The following MAP2K5 variants were observed in gnomAD, a reference collection of about 807,000 sequenced individuals.
MAP2K5 encodes the protein dual specificity mitogen-activated protein kinase kinase 5.
MAP2K5 carries 49 observed loss-of-function variants against 83.1 expected under a neutral mutation model. The ratio of observed to expected loss-of-function variants is 0.59; its 90% CI spans 0.47 to 0.75. MAP2K5 has a LOEUF of 0.75. MAP2K5 is among the 30% of genes least tolerant of loss of function. The pLI is 0.00. For synonymous variants in MAP2K5, 202 were observed against 191.8 expected, an observed-to-expected ratio of 1.05 and a Z score of -0.44; for missense variants, 457 against 557.5, an observed-to-expected ratio of 0.82 and a Z score of 1.82.
At chr15:67,733,691 C>T (rs1258307781) in intron 17 of MAP2K5, among the ~76,000 whole-genome samples, 1 of 152,168 alleles carries the variant, frequency 6.6e-6, no homozygotes, top group Non-Finnish European at 1.5e-5. Flanking sequence ...ACAGGGCTGT[C>T]AGGCCTGTTA....
chr15:67,667,833 C>T (rs1173639549), intron 13 of MAP2K5, among the ~76,000 whole-genome samples: 1 of 152,122 alleles, frequency 6.6e-6, no homozygotes. Context: ...TAGTATATTA[C>T]AGAATTTATT....
At chr15:67,733,769 A>G (rs1454009704) in intron 17 of MAP2K5, among the ~76,000 whole-genome samples, 1 of 152,238 alleles carries the variant, frequency 6.6e-6, no homozygotes, top group Non-Finnish European at 1.5e-5. Context: ...CAAGTTAAAC[A>G]TAGGTAGATA....
At position 67,783,141 on chromosome 15, in the gene MAP2K5, C is replaced by G. The variant is rs1443265231; in HGVS notation, c.1242+10389C>G. ...CAGTCTGCACTCGCCATTTTTATGT[C>G]TTAGCATCTGCTCTGTGCCCAGCAT... is the stretch of plus-strand genomic sequence containing the variant. On this transcript the variant is annotated intron_variant, in intron 21 of 21. Coordinates refer to ENST00000178640, the MANE Select transcript of MAP2K5 (RefSeq NM_145160.3). This position sits in a 1 kb window ranked among gnomAD's most constrained non-coding sequence, Gnocchi z 5.1. Among the ~76,000 whole-genome samples, 1 of 152,226 alleles carries G rather than the reference C, an allele frequency of 6.6e-6. No homozygotes were observed. The highest frequency in any genetic ancestry group is 1.9e-4 in the East Asian group (1 of 5,198).
At chr15:67,797,709 G>A (rs2090628461) in intron 21 of MAP2K5, among the ~76,000 whole-genome samples, 1 of 151,976 alleles carries the variant, frequency 6.6e-6, no homozygotes, top group Non-Finnish European at 1.5e-5. Flanking sequence ...TTGAGACAGA[G>A]TCTCACCCTG....
intron 8 of MAP2K5, among the ~76,000 whole-genome samples, chr15:67,618,186 GC>G (rs1316500875): frequency 1.3e-5 from 2 of 152,150 alleles, no homozygotes; most frequent in East Asian, 3.8e-4. Context: ...CCTAAGTATT[GC>G]TTTTGAAATC....
intron 11 of MAP2K5, among the ~76,000 whole-genome samples, chr15:67,654,539 G>A (rs1299211923): frequency 6.6e-6 from 1 of 151,986 alleles, no homozygotes; most frequent in South Asian, 2.1e-4. Context: ...TACTAACAAG[G>A]TGAGATGTAT....
chr15:67,679,237 G>A (rs2087755083), intron 13 of MAP2K5, among the ~76,000 whole-genome samples: 1 of 152,092 alleles, frequency 6.6e-6, no homozygotes, highest in South Asian at 2.1e-4. Flanking sequence ...TTATTAGCAA[G>A]CTTCTGCTTG....
chr15:67,554,096 C>T (rs955231974), intron 2 of MAP2K5, among the ~76,000 whole-genome samples: 1 of 152,054 alleles, frequency 6.6e-6, no homozygotes, highest in African/African-American at 2.4e-5. Context: ...CTGGCTCTGT[C>T]ACCCAGGCTG....
At chr15:67,707,527 A>G (rs1234254045) in intron 16 of MAP2K5, among the ~76,000 whole-genome samples, 1 of 152,240 alleles carries the variant, frequency 6.6e-6, no homozygotes, top group Non-Finnish European at 1.5e-5. Flanking sequence ...TTCTTCAATA[A>G]TTCTTACTTA....
rs191887062 is a variant in MAP2K5, at chr15:67,587,666, C to T, written c.431+753C>T. On this transcript the variant is annotated intron_variant, in intron 6 of 21. Transcript: ENST00000178640. This position sits in a 1 kb window ranked among gnomAD's most constrained non-coding sequence, Gnocchi z 4.8. Reference sequence around the variant, plus strand: ...GTCTTTCTATAGCGCCCACTCATAACGTTTTAGTTAAGCCCTCAGAACGTG... The same window carrying T: ...GTCTTTCTATAGCGCCCACTCATAATGTTTTAGTTAAGCCCTCAGAACGTG... Among the ~76,000 whole-genome samples the T allele has an allele frequency of 2.0e-3, 306 of 152,316 alleles. 3 individuals are homozygous for T. Among genetic ancestry groups the T allele is most frequent in the African/African-American group, 6.7e-3 (279 of 41,566 alleles).
intron 16 of MAP2K5, among the ~76,000 whole-genome samples, chr15:67,710,497 GTTTTTTT>G (rs10609519): frequency 7.4e-5 from 6 of 81,012 alleles, no homozygotes; most frequent in African/African-American, 2.9e-4. Flanking sequence ...ATCTTCTGAA[GTTTTTTT>G]TTTTTTTTTT....
At chr15:67,554,423 T>C (rs1279422097) in intron 2 of MAP2K5, among the ~76,000 whole-genome samples, 1 of 152,096 alleles carries the variant, frequency 6.6e-6, no homozygotes, top group Non-Finnish European at 1.5e-5. Flanking sequence ...ATAAAAGAAA[T>C]GGTGTTATAG....
rs1393078738 is a variant in MAP2K5, at chr15:67,573,364, C to T, written c.253-7390C>T. On this transcript the variant is annotated intron_variant, in intron 3 of 21. Transcript: ENST00000178640. This position sits in a 1 kb window ranked among gnomAD's most constrained non-coding sequence, Gnocchi z 4.2. ...GCAGAAGACAAAGGGGAAGCAAGTA[C>T]TTTCTTCACAGGGTGGCAGGAGAGA... 6.6e-6 allele frequency among the ~76,000 whole-genome samples: 1 copy of T among 152,182 alleles called. No homozygotes were observed. The highest frequency in any genetic ancestry group is 1.5e-5 in the Non-Finnish European group (1 of 68,026).
chr15:67,559,802 C>T lies in MAP2K5; in HGVS notation c.185-3481C>T, dbSNP rs1357738170. ...TGTATCAGATCTGTCTGCTCCCCTA[C>T]CCCCACCCCTTTTGTTGGTCATATC... On this transcript the variant is annotated intron_variant, in intron 2 of 21. Transcript: ENST00000178640. This position sits in a 1 kb window ranked among gnomAD's most constrained non-coding sequence, Gnocchi z 4.7. Among the ~76,000 whole-genome samples the T allele has an allele frequency of 6.6e-6, 1 of 152,182 alleles. No homozygotes were observed. The highest frequency in any genetic ancestry group is 1.5e-5 in the Non-Finnish European group (1 of 68,034).
chr15:67,762,565 C>CAAAAAAAAAAAAAAAAAAAAAA (rs5813455), intron 19 of MAP2K5, among the ~76,000 whole-genome samples: 1 of 119,916 alleles, frequency 8.3e-6, no homozygotes, highest in Non-Finnish European at 1.7e-5. Flanking sequence ...AAATGACAGA[C>CAAAAAAAAAAAAAAAAAAAAAA]AAAAAAAAAA....
chr15:67,766,485 C>T (rs1350450173), intron 19 of MAP2K5, among the ~76,000 whole-genome samples: 1 of 152,184 alleles, frequency 6.6e-6, no homozygotes, highest in Non-Finnish European at 1.5e-5. Flanking sequence ...TTGCCAGAAC[C>T]CATATTTCAT....
chr15:67,546,256 T>C (rs2084387183), intron 1 of MAP2K5: 1 of 152,302 alleles, frequency 6.6e-6, no homozygotes, highest in African/African-American at 2.4e-5. Flanking sequence ...CCTTAAACTT[T>C]AAAGTCACGT....
In MAP2K5 at chr15:67,755,796, G is replaced by C. The variant is rs2089822437; in HGVS notation, c.1134+7195G>C. Among the ~76,000 whole-genome samples the C allele has an allele frequency of 6.6e-6, 1 of 152,200 alleles. No individual in the cohort carries two copies. Among genetic ancestry groups the C allele is most frequent in the African/African-American group, 2.4e-5 (1 of 41,444 alleles). ...CATAGACTTTTATAAGTGGGATTTT[G>C]TAATGATGAGCTGTTGAATTCAGGG... On this transcript the variant is annotated intron_variant, in intron 19 of 21. Coordinates refer to ENST00000178640, the MANE Select transcript of MAP2K5 (RefSeq NM_145160.3). This position sits in a 1 kb window ranked among gnomAD's most constrained non-coding sequence, Gnocchi z 4.7.
In MAP2K5 at chr15:67,775,056, G is replaced by A. The variant is rs187801729; in HGVS notation, c.1242+2304G>A. On this transcript the variant is annotated intron_variant, in intron 21 of 21. Transcript: ENST00000178640. The surrounding 1 kb of genome is among the most constrained non-coding windows in gnomAD (Gnocchi z 5.3). The stretch of plus-strand genomic sequence containing the variant: ...AGTAAATCAGAATGTAGGACTGGTG[G>A]GCTAGATCACCCTTACTCCTGGGTC... Among the ~76,000 whole-genome samples the A allele has an allele frequency of 6.6e-6, 1 of 152,290 alleles. No individual in the cohort carries two copies. The highest frequency in any genetic ancestry group is 1.5e-5 in the Non-Finnish European group (1 of 68,028).
Sources: allele counts gnomAD v4.1 joint callset (sites outside exome capture counted in the v4.1 genomes callset), GRCh38; gene constraint gnomAD v4.1.1; non-coding constraint Gnocchi (gnomAD v3.1); transcripts MANE v1.5; gene names NCBI Gene and HGNC (gene_info 2026-07-23, HGNC 2026-07-21).